HECTD4: variants seen among roughly 807,000 people sequenced by gnomAD.
HECTD4 encodes the protein probable E3 ubiquitin-protein ligase HECTD4.
Under a neutral mutation model 471.5 loss-of-function variants are expected in HECTD4, and 114 were observed. The observed-to-expected ratio is 0.24, with a 90% CI of 0.21 to 0.28. HECTD4 has a LOEUF of 0.28. HECTD4 is among the 10% of genes least tolerant of loss of function. The pLI, the probability that HECTD4 is intolerant of heterozygous loss-of-function variation, is 1.00. For synonymous variants in HECTD4, 2,012 were observed against 2,256.0 expected, an observed-to-expected ratio of 0.89 and a Z score of 3.07; for missense variants, 3,866 against 5,651.5, an observed-to-expected ratio of 0.68 and a Z score of 10.13.
chr12:112,320,494 T>TC (rs1364518239), intron 1 of HECTD4, among the ~76,000 whole-genome samples: 2 of 151,890 alleles, frequency 1.3e-5, no homozygotes, highest in Non-Finnish European at 2.9e-5. Flanking sequence ...AGTCAGGAGT[T>TC]CGAGGCCAGC....
At chr12:112,367,773 A>T (rs943481598) in intron 1 of HECTD4, among the ~76,000 whole-genome samples, 19 of 135,056 alleles carry the variant, frequency 1.4e-4, no homozygotes, top group African/African-American at 5.3e-4. Flanking sequence ...GTGAGCCAAG[A>T]TCTTGCCATT....
At chr12:112,230,911 C>T (rs2033363328) in intron 39 of HECTD4, 89 bp from the exon 40 acceptor site, 1 of 1,265,336 alleles carries the variant, frequency 7.9e-7, no homozygotes, top group Middle Eastern at 2.3e-4. Context: ...CAGAGGAAAA[C>T]CTTTTCTTTT....
chr12:112,186,341 ATTT>A (rs773102015), intron 60 of HECTD4, among the ~76,000 whole-genome samples: 2 of 111,844 alleles, frequency 1.8e-5, no homozygotes, highest in Non-Finnish European at 3.7e-5. Context: ...TTTTTTAATA[ATTT>A]TTTTTTTTTT....
Position 112,314,513 on chromosome 12 carries a change from A to G in HECTD4, c.729T>C (p.His243=). The G allele has an allele frequency of 6.5e-7, 1 of 1,531,554 alleles. No homozygotes were observed. 94.9% of individuals were successfully genotyped at this position (1,531,554 alleles called of 1,614,324 possible). A position where few individuals can be genotyped will look rare whatever the true frequency, so the allele number is the denominator to read the frequency against. The change falls in exon 3 of 76, where the codon CAT becomes CAC. Residue 243 remains histidine, a synonymous_variant. Transcript: ENST00000682272. ...CTAGATCCGTCTGTTTCTGTAATAG[A>G]TGGACTGTGTGGACGAAAGTTTTCA... ...GSLKTFVHTV[H]LLQKQTDLGS...
intron 72 of HECTD4, 24 bp downstream of exon 72, chr12:112,167,293 C>T (rs1157357445): frequency 4.4e-6 from 7 of 1,585,300 alleles, no homozygotes; most frequent in Non-Finnish European, 6.0e-6. Context: ...TCTGCAGCCC[C>T]CCAGAACTGT....
chr12:112,208,726 G>T, intron 50 of HECTD4, 96 bp from the exon 51 acceptor site: 1 of 1,132,164 alleles, frequency 8.8e-7, no homozygotes, highest in Non-Finnish European at 1.2e-6. Context: ...ATCTTAATTT[G>T]CATGATAGGA....
rs747245772 is a variant in HECTD4, at chr12:112,247,556, G to GA, written c.4249-7dup. 8.7e-5 allele frequency: 122 copies of GA among 1,399,778 alleles called. No individual in the cohort carries two copies. The highest frequency in any genetic ancestry group is 3.0e-4 in the Admixed American group (12 of 39,910). 86.7% of individuals were successfully genotyped at this position (1,399,778 alleles called of 1,614,324 possible). A position where few individuals can be genotyped will look rare whatever the true frequency, so the allele number is the denominator to read the frequency against. On this transcript the variant is annotated splice_polypyrimidine_tract_variant and splice_region_variant and intron_variant, in intron 27 of 75. Transcript: ENST00000682272. ...TCTAGTTCTTTCATTTTGTTCTAAAGAAAAAAAAGATGGTATGCAGAATCT... is the reference window on the plus strand; with the variant it reads ...TCTAGTTCTTTCATTTTGTTCTAAAGAAAAAAAAAGATGGTATGCAGAATCT...
rs2030659056 is a variant in HECTD4 at position 112,160,705 on chromosome 12, G to A, written c.*1682C>T. 6.6e-6 allele frequency: 1 copy of A among 152,136 alleles called. No homozygotes were observed. Among genetic ancestry groups the A allele is most frequent in the Admixed American group, 6.5e-5 (1 of 15,276 alleles). The allele number at this position is 152,136 out of a possible 1,614,324, so 9.4% of individuals were successfully genotyped here. A position where few individuals can be genotyped will look rare whatever the true frequency, so the allele number is the denominator to read the frequency against. On this transcript the variant is annotated 3_prime_UTR_variant, in exon 76 of 76. Coordinates refer to ENST00000682272, the MANE Select transcript of HECTD4 (RefSeq NM_001388303.1). ...AAAAACCACTTCTAATAAATCGAAAGGCTCTTTCATTATGCAGAAATGAAA... is the reference window on the plus strand; with the variant it reads ...AAAAACCACTTCTAATAAATCGAAAAGCTCTTTCATTATGCAGAAATGAAA...
At chr12:112,311,980 T>G (rs1270357243) in intron 4 of HECTD4, among the ~76,000 whole-genome samples, 2 of 152,204 alleles carry the variant, frequency 1.3e-5, no homozygotes, top group Non-Finnish European at 2.9e-5. Context: ...CATGCCTGTT[T>G]AGAAGAAATG....
At chr12:112,334,944 G>T (rs991073461) in intron 1 of HECTD4, among the ~76,000 whole-genome samples, 8 of 152,154 alleles carry the variant, frequency 5.3e-5, no homozygotes, top group African/African-American at 1.4e-4. Context: ...AAACAGTGTG[G>T]AGATTCCTTA....
At chr12:112,320,979 G>T (rs1328339749) in intron 1 of HECTD4, among the ~76,000 whole-genome samples, 1 of 152,030 alleles carries the variant, frequency 6.6e-6, no homozygotes, top group Non-Finnish European at 1.5e-5. Context: ...TAATAGCTGG[G>T]ATTACAAGGG....
chr12:112,243,327 A>T lies in HECTD4; in HGVS notation c.4958+26T>A, dbSNP rs747472288. 3 of 1,598,214 alleles carry T rather than the reference A, an allele frequency of 1.9e-6. No individual in the cohort carries two copies. Among genetic ancestry groups the T allele is most frequent in the Non-Finnish European group, 8.5e-7 (1 of 1,169,962 alleles). The stretch of plus-strand genomic sequence containing the variant: ...TGGCTCTGACCATTCTAGAAAGGAC[A>T]GTATAAACTAACAGAAACAACTAAC... On this transcript the variant is annotated intron_variant, in intron 32 of 75. Transcript: ENST00000682272. The surrounding 1 kb of genome is among the most constrained non-coding windows in gnomAD (Gnocchi z 6.6).
intron 20 of HECTD4, 27 bp downstream of exon 20, chr12:112,258,469 T>C: frequency 3.4e-6 from 5 of 1,488,464 alleles, no homozygotes; most frequent in Non-Finnish European, 4.5e-6. Context: ...AAGAAAAGGG[T>C]TCCTGCAAGG....
chr12:112,228,143 T>C lies in HECTD4; in HGVS notation c.6800A>G (p.Asp2267Gly). The change falls in exon 43 of 76, where the codon GAT becomes GGT. Residue 2267 changes from aspartate to glycine, a missense_variant. Coordinates refer to ENST00000682272, the MANE Select transcript of HECTD4 (RefSeq NM_001388303.1). The surrounding 1 kb of genome is among the most constrained non-coding windows in gnomAD (Gnocchi z 4.9). ...SIHTSLPATG[D>G]GSAPVMAVVR... is the part of the protein sequence containing the mutation. ...GACTGCCATCACAGGAGCTGACCCA[T>C]CTCCTGTTGCAGGAAGTGAGGTGTG... The C allele has an allele frequency of 1.2e-6, 2 of 1,613,812 alleles. No homozygotes were observed. The highest frequency in any genetic ancestry group is 1.7e-6 in the Non-Finnish European group (2 of 1,179,812).
intron 7 of HECTD4, among the ~76,000 whole-genome samples, chr12:112,299,549 G>A (rs1351477713): frequency 1.3e-5 from 2 of 152,100 alleles, no homozygotes; most frequent in African/African-American, 2.4e-5. Context: ...CTTGAGCCCA[G>A]GAGTCTGAGG....
chr12:112,323,363 A>G (rs936221107), intron 1 of HECTD4, among the ~76,000 whole-genome samples: 2 of 152,196 alleles, frequency 1.3e-5, no homozygotes, highest in Admixed American at 6.5e-5. Flanking sequence ...AAAATTAACT[A>G]TAAGTATCTC....
chr12:112,301,766 T>G (rs1163869754), intron 7 of HECTD4: 1 of 504,750 alleles, frequency 2.0e-6, no homozygotes, highest in Non-Finnish European at 3.5e-6. Flanking sequence ...AGTTGGTGCT[T>G]ATGTGAAGTT....
At chr12:112,302,628 C>T (rs185785895) in intron 7 of HECTD4, 44 of 625,730 alleles carry the variant, frequency 7.0e-5, no homozygotes, top group Admixed American at 2.6e-4. Flanking sequence ...CAGCAGGGGC[C>T]GGGGCCACCT....
At chr12:112,180,484 G>A (rs879342621) in intron 62 of HECTD4, among the ~76,000 whole-genome samples, 15 of 151,280 alleles carry the variant, frequency 9.9e-5, no homozygotes, top group South Asian at 4.2e-4. Context: ...GCAGTGAGCC[G>A]ATATGGTACC....
Sources: gnomAD v4.1 joint callset for allele counts (sites outside exome capture counted in the v4.1 genomes callset) on GRCh38, gnomAD v4.1.1 for gene constraint, Gnocchi (gnomAD v3.1) non-coding constraint, MANE v1.5 for transcripts, NCBI Gene and HGNC (gene_info 2026-07-23, HGNC 2026-07-21) for gene names.